Variants in WDR82 observed in about 807,000 individuals in gnomAD.
WDR82 encodes the protein WD repeat domain 82, also known as WD repeat-containing protein 82.
A neutral mutation model predicts 36.1 loss-of-function variants in WDR82; 8 were observed. The observed-to-expected ratio is 0.22, with a 90% CI of 0.13 to 0.40. The LOEUF (loss-of-function observed/expected upper bound fraction) is 0.40, where lower values mean the gene tolerates loss of function less well. Ranked by LOEUF, WDR82 falls within the 10% of genes least tolerant of loss-of-function variation. WDR82 has a pLI of 1.00. For missense variants in WDR82, 185 were observed against 400.5 expected (o/e 0.46, Z 4.59); for synonymous variants, 129 against 137.8 (o/e 0.94, Z 0.45).
At chr3:52,274,296 A>G (rs1287398733) in intron 1 of WDR82, among the ~76,000 whole-genome samples, 3 of 152,232 alleles carry the variant, frequency 2.0e-5, no homozygotes, top group East Asian at 3.8e-4. Context: ...GGCCGGTCAC[A>G]GTAGCTAACA....
Position 52,258,665 on chromosome 3 carries a change from G to C in WDR82, c.783C>G (p.Gly261=). Residue 261 remains glycine (G), a synonymous_variant, in exon 8 of 9, where the codon GGC becomes GGG. Coordinates refer to ENST00000296490, the MANE Select transcript of WDR82 (RefSeq NM_025222.4). ...SQFIMIGSED[G]KIHVWNGESG... is the part of the protein sequence containing the mutation. ...TCTCTCCATTCCAGACATGGATCTT[G>C]CCATCCTCTGAACCTAAAGAGGATA... The C allele has an allele frequency of 6.2e-7, 1 of 1,614,122 alleles. No homozygotes were observed. The highest frequency in any genetic ancestry group is 8.5e-7 in the Non-Finnish European group (1 of 1,180,024).
At chr3:52,260,354 G>A in intron 5 of WDR82, 31 bp downstream of exon 5, 2 of 1,479,910 alleles carry the variant, frequency 1.4e-6, no homozygotes, top group East Asian at 2.5e-5. Flanking sequence ...ACAAAAAACA[G>A]CTCAAAGATC....
rs554123611 is a variant in WDR82, at chr3:52,259,522, A to C, written c.699+195T>G. On this transcript the variant is annotated intron_variant, in intron 6 of 8. Transcript: ENST00000296490. ...AAATTATTTTATATCTAAATACCAAACTTGGGTCACTTGGTGAGAAATGAA... is the reference window on the plus strand; with the variant it reads ...AAATTATTTTATATCTAAATACCAACCTTGGGTCACTTGGTGAGAAATGAA... Among the ~76,000 whole-genome samples the C allele has an allele frequency of 2.8e-4, 43 of 152,292 alleles. 1 individual carries two copies. The highest frequency in any genetic ancestry group is 9.6e-4 in the African/African-American group (40 of 41,548).
intron 5 of WDR82, 50 bp from the exon 6 acceptor site, chr3:52,259,922 G>C: frequency 6.4e-7 from 1 of 1,568,878 alleles, no homozygotes; most frequent in Non-Finnish European, 8.6e-7. Context: ...AATTTCTTCT[G>C]CTAGAGCCAA....
intron 8 of WDR82, 32 bp downstream of exon 8, chr3:52,258,504 T>C (rs762562168): frequency 5.6e-6 from 9 of 1,612,300 alleles, no homozygotes; most frequent in South Asian, 1.1e-5. Flanking sequence ...GAAGGGTCCC[T>C]GAGTAGCAGA....
intron 1 of WDR82, among the ~76,000 whole-genome samples, chr3:52,272,788 A>C (rs1360964741): frequency 6.6e-6 from 1 of 152,234 alleles, no homozygotes; most frequent in Admixed American, 6.5e-5. Flanking sequence ...CTAGGTACTA[A>C]ACAATCACGA....
At chr3:52,276,303 C>T (rs1372438103) in intron 1 of WDR82, among the ~76,000 whole-genome samples, 4 of 151,798 alleles carry the variant, frequency 2.6e-5, no homozygotes, top group African/African-American at 7.3e-5. Context: ...TGGTGGCAGG[C>T]GCCTGTAATC....
chr3:52,259,090 T>C, intron 7 of WDR82, 107 bp downstream of exon 7: 1 of 1,265,732 alleles, frequency 7.9e-7, no homozygotes, highest in Non-Finnish European at 1.1e-6. Context: ...TATACAGAAA[T>C]CTAAGAACAT....
chr3:52,270,038 C>A (rs1700139646), intron 2 of WDR82, among the ~76,000 whole-genome samples: 1 of 152,190 alleles, frequency 6.6e-6, no homozygotes, highest in African/African-American at 2.4e-5. Context: ...TGAAACTTTT[C>A]TCAAATCTCT....
intron 1 of WDR82, among the ~76,000 whole-genome samples, chr3:52,273,135 C>G (rs888376102): frequency 6.6e-6 from 1 of 152,148 alleles, no homozygotes; most frequent in Admixed American, 6.5e-5. Flanking sequence ...TCTACAATAG[C>G]AAAGACAGAA....
rs1466901016 is a variant in WDR82, at chr3:52,258,688, A to G, written c.770-10T>C. On this transcript the variant is annotated splice_polypyrimidine_tract_variant and intron_variant, in intron 7 of 8. Transcript: ENST00000296490. ...TTGCCATCCTCTGAACCTAAAGAGG[A>G]TATTCACGGAAAATGTAACAGCTCA... The G allele has an allele frequency of 6.2e-7, 1 of 1,614,086 alleles. No homozygotes were observed. The highest frequency in any genetic ancestry group is 1.3e-5 in the African/African-American group (1 of 74,930).
chr3:52,260,892 G>T (rs761163879), intron 4 of WDR82, among the ~76,000 whole-genome samples: 2 of 152,228 alleles, frequency 1.3e-5, no homozygotes, highest in Non-Finnish European at 2.9e-5. Context: ...AGAACTTTGG[G>T]AGGCCAAGGT....
intron 3 of WDR82, among the ~76,000 whole-genome samples, chr3:52,265,651 A>G (rs1274379439): frequency 6.6e-6 from 1 of 150,566 alleles, no homozygotes; most frequent in Non-Finnish European, 1.5e-5. Flanking sequence ...CCTTGGCTCA[A>G]TGCAGCCTCT....
chr3:52,259,078 G>GCTATA (rs1292497256), intron 7 of WDR82, 119 bp downstream of exon 7: 6 of 1,168,658 alleles, frequency 5.1e-6, no homozygotes, highest in Non-Finnish European at 7.4e-6. Flanking sequence ...GGCATAATGT[G>GCTATA]CTATACAGAA....
Position 52,278,195 on chromosome 3 carries a change from A to G in WDR82, c.161+6T>C. 6.3e-7 allele frequency: 1 copy of G among 1,593,092 alleles called. No homozygotes were observed. The highest frequency in any genetic ancestry group is 8.6e-7 in the Non-Finnish European group (1 of 1,169,432). On this transcript the variant is annotated splice_donor_region_variant and intron_variant, in intron 1 of 8. Coordinates refer to ENST00000296490, the MANE Select transcript of WDR82 (RefSeq NM_025222.4). ...GACTCGGGCCCAGGGCCTCCGCCGC[A>G]CTCACTTGCCCTCCTGGCAGTCATA... is the stretch of plus-strand genomic sequence containing the variant.
intron 2 of WDR82, 84 bp downstream of exon 2, chr3:52,270,628 A>C: frequency 9.7e-7 from 1 of 1,034,124 alleles, no homozygotes; most frequent in Non-Finnish European, 1.4e-6. Flanking sequence ...TAAAGTAGTC[A>C]CAAAGCAGAA....
At chr3:52,271,459 T>C (rs1280303773) in intron 1 of WDR82, among the ~76,000 whole-genome samples, 3 of 152,224 alleles carry the variant, frequency 2.0e-5, no homozygotes, top group Non-Finnish European at 2.9e-5. Flanking sequence ...GATGCATGGC[T>C]GTACATCTAC....
chr3:52,260,137 C>T (rs1325570355), intron 5 of WDR82, among the ~76,000 whole-genome samples: 1 of 152,118 alleles, frequency 6.6e-6, no homozygotes, highest in East Asian at 1.9e-4. Flanking sequence ...TTGAGACCAG[C>T]CTGACCAACA....
At position 52,261,291 on chromosome 3, in the gene WDR82, A is replaced by C. The variant is rs1700059159; in HGVS notation, c.426+89T>G. 6 of 1,172,000 alleles carry C rather than the reference A, an allele frequency of 5.1e-6. No homozygotes were observed. In the East Asian group the frequency reaches 1.5e-4, roughly 29 times the overall value. The allele number at this position is 1,172,000 out of a possible 1,614,324, so 72.6% of individuals were successfully genotyped here. ...GACCCTGTGATCCCAGAATGGAACCACTGTTTTCTCCCTTCTTTGAGAGGT... is the reference window on the plus strand; with the variant it reads ...GACCCTGTGATCCCAGAATGGAACCCCTGTTTTCTCCCTTCTTTGAGAGGT... On this transcript the variant is annotated intron_variant, in intron 4 of 8. Transcript: ENST00000296490.
Sources: allele counts gnomAD v4.1 joint callset (sites outside exome capture counted in the v4.1 genomes callset), GRCh38; gene constraint gnomAD v4.1.1; transcripts MANE v1.5; gene names NCBI Gene and HGNC (gene_info 2026-07-23, HGNC 2026-07-21).